PWWP2B: variants seen among roughly 807,000 people sequenced by gnomAD.
PWWP2B encodes the protein PWWP domain-containing protein 2B.
A neutral mutation model predicts 15.5 loss-of-function variants in PWWP2B; 9 were observed. The observed-to-expected ratio is 0.58, with a 90% CI of 0.35 to 1.02. The LOEUF is 1.02. Among genes scored for constraint, PWWP2B ranks in the 50% least tolerant of loss-of-function variants. The pLI is 0.02. For synonymous variants in PWWP2B, 474 were observed against 403.6 expected (o/e 1.17, Z -2.09); for missense variants, 864 against 865.3 (o/e 1.00, Z 0.02).
intron 1 of PWWP2B, among the ~76,000 whole-genome samples, chr10:132,402,248 G>T (rs72863865): frequency 0.15 from 22,752 of 152,308 alleles, 2,333 homozygotes; most frequent in Middle Eastern, 0.24. Flanking sequence ...GGCACCTTCA[G>T]CCCAGTCCAC....
intron 2 of PWWP2B, among the ~76,000 whole-genome samples, chr10:132,407,576 G>T (rs1166422713): frequency 6.6e-6 from 1 of 152,188 alleles, no homozygotes; most frequent in East Asian, 1.9e-4. Context: ...CTGTGGTTGA[G>T]CCAGGGTCCC....
At chr10:132,397,436 G>C in intron 1 of PWWP2B, 85 bp downstream of exon 1, 17 of 1,128,494 alleles carry the variant, frequency 1.5e-5, no homozygotes, top group Non-Finnish European at 1.9e-5. Context: ...ACCCGCCTCC[G>C]GGTTGGGGGT....
Position 132,405,705 on chromosome 10 carries a change from A to G in PWWP2B, c.1205A>G (p.Glu402Gly), listed in dbSNP as rs1321153315. 3 of 1,611,868 alleles carry G rather than the reference A, an allele frequency of 1.9e-6. No homozygotes were observed. The South Asian group carries it at 3.3e-5, about 18-fold the overall frequency. Residue 402 changes from glutamate (E) to glycine (G), a missense_variant, in exon 2 of 3, where the codon GAG becomes GGG. Glu to Gly is a moderately conservative substitution (Grantham distance 98). This residue lies in a region of PWWP2B where 736 missense variants were observed against 687.7 expected (regional missense o/e 1.07). Coordinates refer to ENST00000305233, the MANE Select transcript of PWWP2B (RefSeq NM_138499.4). ...TGTCCCCAGGGTCCACAGGGACGCGAGGGCTTGGCTTTTCTCGTCAGCTGC... is the reference window on the plus strand; with the variant it reads ...TGTCCCCAGGGTCCACAGGGACGCGGGGGCTTGGCTTTTCTCGTCAGCTGC... ...KSCPQGPQGR[E>G]GLAFLVSCPE...
chr10:132,405,835 C>T lies in PWWP2B; in HGVS notation c.1335C>T (p.Asp445=), dbSNP rs543345540. 6.0e-5 allele frequency: 97 copies of T among 1,610,146 alleles called. 1 individual carries two copies. The South Asian group carries it at 9.7e-4, about 16-fold the overall frequency. Residue 445 remains aspartate (D), a synonymous_variant, in exon 2 of 3, where the codon GAC becomes GAT. Coordinates refer to ENST00000305233, the MANE Select transcript of PWWP2B (RefSeq NM_138499.4). The part of the protein sequence containing the change: ...GSEGTPADTG[D]LSPGHGASAP... ...AAGGGACGCCGGCAGACACGGGTGA[C>T]CTCTCGCCTGGCCACGGCGCGTCAG...
intron 2 of PWWP2B, among the ~76,000 whole-genome samples, chr10:132,415,192 C>A (rs1022549738): frequency 3.3e-5 from 5 of 151,808 alleles, no homozygotes; most frequent in African/African-American, 1.2e-4. Context: ...CTGTTCACTG[C>A]CACACATCCA....
rs146202315 is a variant in PWWP2B, at chr10:132,400,857, G to A, written c.125+3506G>A. On this transcript the variant is annotated intron_variant, in intron 1 of 2. Coordinates refer to ENST00000305233, the MANE Select transcript of PWWP2B (RefSeq NM_138499.4). Reference sequence around the variant, plus strand: ...CCTTTCCTGATCAGAGAGTGAGGAAGGAAGGTCCAGGGTGAATGTGGGCCC... The same window carrying A: ...CCTTTCCTGATCAGAGAGTGAGGAAAGAAGGTCCAGGGTGAATGTGGGCCC... Among the ~76,000 whole-genome samples the A allele has an allele frequency of 4.2e-3, 641 of 152,380 alleles. 2 individuals are homozygous for A. Among genetic ancestry groups the A allele is most frequent in the Non-Finnish European group, 7.3e-3 (495 of 68,036 alleles).
intron 1 of PWWP2B, among the ~76,000 whole-genome samples, chr10:132,403,105 C>T (rs951365903): frequency 2.0e-5 from 3 of 152,216 alleles, no homozygotes; most frequent in Non-Finnish European, 2.9e-5. Context: ...GGGCCCAGCC[C>T]GCACTCCAGA....
At chr10:132,416,191 C>T (rs1425588329) in intron 2 of PWWP2B, among the ~76,000 whole-genome samples, 1 of 152,154 alleles carries the variant, frequency 6.6e-6, no homozygotes. Context: ...GGGCAGGTCC[C>T]TCCTGCCCTG....
In PWWP2B at chr10:132,405,265, C is replaced by T; in HGVS notation, c.765C>T (p.Ile255=). The change falls in exon 2 of 3, where the codon ATC becomes ATT. Residue 255 remains isoleucine (I), a synonymous_variant. Transcript: ENST00000305233. The part of the protein sequence containing the change: ...EQVPRSPVIK[I]SYSTPQGKGE... The stretch of plus-strand genomic sequence containing the variant: ...TCCCGCGGAGCCCGGTCATCAAGAT[C>T]TCCTACAGCACGCCCCAGGGCAAGG... 6.2e-7 allele frequency: 1 copy of T among 1,611,454 alleles called. No individual in the cohort carries two copies. The highest frequency in any genetic ancestry group is 1.3e-5 in the African/African-American group (1 of 75,032).
At chr10:132,407,927 A>G (rs1366557632) in intron 2 of PWWP2B, among the ~76,000 whole-genome samples, 1 of 152,164 alleles carries the variant, frequency 6.6e-6, no homozygotes, top group Non-Finnish European at 1.5e-5. Context: ...GGCATTTGCG[A>G]GGCATGACAT....
intron 2 of PWWP2B, among the ~76,000 whole-genome samples, chr10:132,416,185 A>G (rs1455347915): frequency 6.6e-6 from 1 of 152,038 alleles, no homozygotes; most frequent in Non-Finnish European, 1.5e-5. Context: ...CGACAGGGGC[A>G]GGTCCCTCCT....
At chr10:132,407,751 G>A (rs114735331) in intron 2 of PWWP2B, among the ~76,000 whole-genome samples, 2,439 of 152,310 alleles carry the variant, frequency 0.016, 75 homozygotes, top group African/African-American at 0.056. Flanking sequence ...GGGGCCTTGG[G>A]GCAGGCGTGG....
chr10:132,417,336 T>C lies in PWWP2B; in HGVS notation c.*292T>C, dbSNP rs907887377. On this transcript the variant is annotated 3_prime_UTR_variant, in exon 3 of 3. Transcript: ENST00000305233. The stretch of plus-strand genomic sequence containing the variant: ...TGACTTGCTGGCTGCTGGCTGCTGC[T>C]GCCTCGCGCGCTGGGGTTCCATGGA... 2.1e-5 allele frequency: 11 copies of C among 514,748 alleles called. No homozygotes were observed. Among genetic ancestry groups the C allele is most frequent in the Admixed American group, 7.3e-5 (2 of 27,300 alleles). The allele number at this position is 514,748 out of a possible 1,614,324, so 31.9% of individuals were successfully genotyped here.
intron 2 of PWWP2B, among the ~76,000 whole-genome samples, chr10:132,416,266 G>A (rs1011130829): frequency 5.3e-5 from 8 of 152,164 alleles, no homozygotes; most frequent in African/African-American, 1.9e-4. Flanking sequence ...GGCTGGCGTG[G>A]CCCCGTGCAC....
chr10:132,407,051 G>A (rs1016037077), intron 2 of PWWP2B, among the ~76,000 whole-genome samples: 2 of 152,086 alleles, frequency 1.3e-5, no homozygotes, highest in African/African-American at 4.8e-5. Flanking sequence ...GGGGCACTAC[G>A]CTGTGTGGAG....
chr10:132,405,153 C>G lies in PWWP2B; in HGVS notation c.653C>G (p.Pro218Arg). ...PDRELRKPEEPENGEPTAAAT... is the reference protein window; with the variant it reads ...PDRELRKPEERENGEPTAAAT... ...AGGGAGCTCCGCAAGCCGGAGGAGCCGGAGAACGGCGAGCCCACGGCTGCG... is the reference window on the plus strand; with the variant it reads ...AGGGAGCTCCGCAAGCCGGAGGAGCGGGAGAACGGCGAGCCCACGGCTGCG... Residue 218 changes from proline to arginine, a missense_variant, in exon 2 of 3, where the codon CCG becomes CGG. By Grantham distance (103) the Pro-to-Arg change is moderately radical. Around this residue, in one of 2 missense-constraint regions of PWWP2B, gnomAD observed 736 missense variants for 687.7 expected, o/e 1.07. Coordinates refer to ENST00000305233, the MANE Select transcript of PWWP2B (RefSeq NM_138499.4). 1 of 1,546,696 alleles carries G rather than the reference C, an allele frequency of 6.5e-7. No individual in the cohort carries two copies. The highest frequency in any genetic ancestry group is 8.7e-7 in the Non-Finnish European group (1 of 1,145,412).
intron 2 of PWWP2B, among the ~76,000 whole-genome samples, chr10:132,413,243 A>G (rs1347795897): frequency 1.3e-5 from 2 of 152,276 alleles, no homozygotes; most frequent in African/African-American, 2.4e-5. Flanking sequence ...CTATATCAAC[A>G]TGTAATATAG....
intron 1 of PWWP2B, among the ~76,000 whole-genome samples, chr10:132,402,975 A>T (rs1564872549): frequency 6.6e-6 from 1 of 152,212 alleles, no homozygotes; most frequent in Non-Finnish European, 1.5e-5. Flanking sequence ...CCTGGCTGGG[A>T]CTGGTGAGGG....
At chr10:132,398,001 T>G (rs2133142059) in intron 1 of PWWP2B, among the ~76,000 whole-genome samples, 1 of 152,352 alleles carries the variant, frequency 6.6e-6, no homozygotes, top group East Asian at 1.9e-4. Flanking sequence ...GAGAGGCACC[T>G]GTGCACGGGC....
Sources: gnomAD v4.1 joint callset for allele counts (sites outside exome capture counted in the v4.1 genomes callset) on GRCh38, gnomAD v4.1.1 for gene constraint, gnomAD v4.1.1 regional missense constraint, MANE v1.5 for transcripts, NCBI Gene and HGNC (gene_info 2026-07-23, HGNC 2026-07-21) for gene names.